The following MALRD1 variants were observed in gnomAD, a reference collection of about 807,000 sequenced individuals.
MALRD1 encodes MAM and LDL receptor class A domain containing 1.
Under a neutral mutation model 242.1 loss-of-function variants are expected in MALRD1, and 247 were observed. That is an observed-to-expected ratio of 1.02 (90% CI 0.92 to 1.13). The LOEUF (loss-of-function observed/expected upper bound fraction) is 1.13, where lower values mean the gene tolerates loss of function less well. Ranked by LOEUF, MALRD1 falls within the 50% of genes most tolerant of loss-of-function variation. The pLI is 0.00. For missense variants in MALRD1, 2,989 were observed against 2,533.1 expected, an observed-to-expected ratio of 1.18 and a Z score of -3.86; for synonymous variants, 995 against 866.6, an observed-to-expected ratio of 1.15 and a Z score of -2.60.
At chr10:19,544,489 A>G (rs781458605) in intron 32 of MALRD1, among the ~76,000 whole-genome samples, 7 of 151,974 alleles carry the variant, frequency 4.6e-5, no homozygotes, top group Middle Eastern at 3.4e-3. Context: ...CACCAGGCCT[A>G]CTTGAGTCTT....
chr10:19,458,974 T>A (rs1346294478), intron 29 of MALRD1, among the ~76,000 whole-genome samples: 1 of 151,992 alleles, frequency 6.6e-6, no homozygotes, highest in Non-Finnish European at 1.5e-5. Context: ...ATCAAGCCCA[T>A]CCTAACACAC....
At chr10:19,330,614 T>C (rs1843320584) in intron 23 of MALRD1, among the ~76,000 whole-genome samples, 1 of 152,202 alleles carries the variant, frequency 6.6e-6, no homozygotes, top group Admixed American at 6.6e-5. Flanking sequence ...GAATATGTGA[T>C]GTTTTATGTA....
At chr10:19,260,871 C>T (rs570724462) in intron 19 of MALRD1, among the ~76,000 whole-genome samples, 4 of 152,210 alleles carry the variant, frequency 2.6e-5, no homozygotes, top group Admixed American at 2.6e-4. Flanking sequence ...TTATAGGGCT[C>T]ATCAAACACA....
intron 38 of MALRD1, among the ~76,000 whole-genome samples, chr10:19,727,793 G>A: frequency 6.8e-6 from 1 of 148,058 alleles, no homozygotes; most frequent in South Asian, 2.1e-4. Context: ...GCCTGATGAA[G>A]ACTCATCATT....
chr10:19,158,058 A>G (rs1834241782), intron 12 of MALRD1, among the ~76,000 whole-genome samples: 1 of 152,226 alleles, frequency 6.6e-6, no homozygotes, highest in African/African-American at 2.4e-5. Context: ...GAAATACAAG[A>G]TAGGACAAAC....
At chr10:19,335,336 T>A (rs1193666425) in intron 24 of MALRD1, among the ~76,000 whole-genome samples, 1 of 152,094 alleles carries the variant, frequency 6.6e-6, no homozygotes, top group Non-Finnish European at 1.5e-5. Flanking sequence ...ATAAACCTGA[T>A]TTTGGCGTTG....
intron 38 of MALRD1, chr10:19,721,720 T>G (rs1458417486): frequency 6.6e-6 from 1 of 152,230 alleles, no homozygotes; most frequent in Non-Finnish European, 1.5e-5. Flanking sequence ...GTGATTTTTT[T>G]CCAGCCATAT....
At chr10:19,720,235 C>G (rs1252535437) in intron 38 of MALRD1, among the ~76,000 whole-genome samples, 1 of 152,166 alleles carries the variant, frequency 6.6e-6, no homozygotes, top group Non-Finnish European at 1.5e-5. Flanking sequence ...CATAAAATCT[C>G]TCCTCCCTCC....
At chr10:19,309,354 T>G (rs1842338537) in intron 21 of MALRD1, among the ~76,000 whole-genome samples, 1 of 151,484 alleles carries the variant, frequency 6.6e-6, no homozygotes, top group Non-Finnish European at 1.5e-5. Context: ...ACTTCATTTT[T>G]ATAAAAGATG....
At chr10:19,351,253 T>C (rs1279871577) in intron 25 of MALRD1, among the ~76,000 whole-genome samples, 1 of 152,228 alleles carries the variant, frequency 6.6e-6, no homozygotes, top group Non-Finnish European at 1.5e-5. Flanking sequence ...AGGCTTTGAA[T>C]TCCTACTGCT....
chr10:19,118,688 G>A (rs974265762), intron 5 of MALRD1, among the ~76,000 whole-genome samples: 4 of 152,192 alleles, frequency 2.6e-5, no homozygotes, highest in African/African-American at 7.2e-5. Context: ...AATGAGGCAT[G>A]TCTGGCTTCA....
intron 21 of MALRD1, among the ~76,000 whole-genome samples, chr10:19,301,113 T>G (rs34902281): frequency 0.087 from 13,205 of 152,040 alleles, 750 homozygotes; most frequent in Non-Finnish European, 0.13. Flanking sequence ...GATGAAGAAA[T>G]GTTCATCACT....
chr10:19,490,077 G>T (rs576328546), intron 29 of MALRD1, among the ~76,000 whole-genome samples: 1 of 152,240 alleles, frequency 6.6e-6, no homozygotes, highest in South Asian at 2.1e-4. Context: ...AAGCTGGAAA[G>T]TCACTGGAAT....
At chr10:19,727,610 C>A (rs1404143638) in intron 38 of MALRD1, among the ~76,000 whole-genome samples, 2 of 152,056 alleles carry the variant, frequency 1.3e-5, no homozygotes, top group African/African-American at 4.8e-5. Context: ...TTCCTCTACT[C>A]AAAATTTCTA....
At chr10:19,417,984 C>T (rs531691895) in intron 28 of MALRD1, among the ~76,000 whole-genome samples, 1 of 151,950 alleles carries the variant, frequency 6.6e-6, no homozygotes, top group East Asian at 1.9e-4. Context: ...TACACACGCA[C>T]ACACACACAC....
At chr10:19,112,324 G>A (rs1272561132) in intron 5 of MALRD1, among the ~76,000 whole-genome samples, 1 of 151,988 alleles carries the variant, frequency 6.6e-6, no homozygotes, top group African/African-American at 2.4e-5. Context: ...GGTTGGGGCA[G>A]GGGTGGAGGG....
At chr10:19,319,903 TA>T (rs1167209364) in intron 21 of MALRD1, among the ~76,000 whole-genome samples, 1 of 147,188 alleles carries the variant, frequency 6.8e-6, no homozygotes, top group African/African-American at 2.5e-5. Context: ...TCTTTTTTTT[TA>T]AACTTAAAGC....
At chr10:19,333,874 G>T (rs1328338603) in intron 24 of MALRD1, among the ~76,000 whole-genome samples, 1 of 152,006 alleles carries the variant, frequency 6.6e-6, no homozygotes, top group Middle Eastern at 3.4e-3. Context: ...CTGTGGTTTT[G>T]ATTTGCATTT....
intron 33 of MALRD1, among the ~76,000 whole-genome samples, chr10:19,580,233 G>A (rs1193123269): frequency 6.6e-6 from 1 of 152,182 alleles, no homozygotes; most frequent in Non-Finnish European, 1.5e-5. Context: ...CATCATGTAT[G>A]CAATTTCAGC....
Sources: gnomAD v4.1 joint callset for allele counts (sites outside exome capture counted in the v4.1 genomes callset) on GRCh38, gnomAD v4.1.1 for gene constraint, MANE v1.5 for transcripts, NCBI Gene and HGNC (gene_info 2026-07-23, HGNC 2026-07-21) for gene names.